Variants in METTL9 observed in about 807,000 individuals in gnomAD.
METTL9 encodes the protein protein-L-histidine N-pros-methyltransferase.
METTL9 carries 10 observed loss-of-function variants against 36.0 expected under a neutral mutation model. The observed-to-expected ratio is 0.28, with a 90% CI of 0.17 to 0.47. The LOEUF (loss-of-function observed/expected upper bound fraction) is 0.47, where lower values mean the gene tolerates loss of function less well. METTL9 is among the 20% of genes least tolerant of loss of function. The pLI, the probability that METTL9 is intolerant of heterozygous loss-of-function variation, is 0.99. For missense variants in METTL9, 246 were observed against 383.5 expected (o/e 0.64, Z 3.00); for synonymous variants, 175 against 149.7 (o/e 1.17, Z -1.23).
In METTL9 at chr16:21,643,655, G is replaced by A. The variant is rs1392101503; in HGVS notation, c.752-11572G>A. 3.6e-5 allele frequency: 41 copies of A among 1,153,498 alleles called. No individual in the cohort carries two copies. The South Asian group carries it at 4.3e-4, about 12-fold the overall frequency. The allele number at this position is 1,153,498 out of a possible 1,614,324, so 71.5% of individuals were successfully genotyped here. ...ATTTTATGTACTCATAACAATGGTG[G>A]CAGATATCTCATGCCCTAATAAGAT... is the stretch of plus-strand genomic sequence containing the variant. On this transcript the variant is annotated intron_variant, in intron 4 of 4. Transcript: ENST00000358154.
In METTL9 at chr16:21,636,859, G is replaced by A. The variant is rs117450694; in HGVS notation, c.751+11744G>A. On this transcript the variant is annotated intron_variant, in intron 4 of 4. Transcript: ENST00000358154. The stretch of plus-strand genomic sequence containing the variant: ...AAGGAAAAATAGGACAGAATAGCAA[G>A]TGAAAAGGGTCCGATGGTACTTACC... Among the ~76,000 whole-genome samples the A allele has an allele frequency of 8.8e-3, 1,342 of 152,274 alleles. 47 individuals are homozygous for A. Among genetic ancestry groups the A allele is most frequent in the East Asian group, 0.082 (426 of 5,176 alleles).
intron 4 of METTL9, chr16:21,644,404 AC>A: frequency 6.3e-7 from 1 of 1,588,300 alleles, no homozygotes; most frequent in Non-Finnish European, 8.6e-7. Context: ...TTTCTTAATG[AC>A]AAAAACAGAA....
Position 21,608,644 on chromosome 16 carries a change from G to A in METTL9, c.166-4001G>A, listed in dbSNP as rs993640894. On this transcript the variant is annotated intron_variant, in intron 1 of 4. Coordinates refer to ENST00000358154, the MANE Select transcript of METTL9 (RefSeq NM_016025.5). Reference sequence around the variant, plus strand: ...GGCAATGCCTGGGACATTTTGGGCTGTCATTTGGGGTAGTGCCACTGTAAC... The same window carrying A: ...GGCAATGCCTGGGACATTTTGGGCTATCATTTGGGGTAGTGCCACTGTAAC... Among the ~76,000 whole-genome samples the A allele has an allele frequency of 1.1e-4, 17 of 152,256 alleles. 1 individual carries two copies. Among genetic ancestry groups the A allele is most frequent in the African/African-American group, 3.9e-4 (16 of 41,534 alleles).
chr16:21,654,339 C>T (rs1217339841), intron 4 of METTL9: 2 of 152,244 alleles, frequency 1.3e-5, no homozygotes, highest in Non-Finnish European at 2.9e-5. Flanking sequence ...GCCACCACGC[C>T]CGGCCTCAAT....
At chr16:21,624,586 G>A in intron 3 of METTL9, among the ~76,000 whole-genome samples, 1 of 152,016 alleles carries the variant, frequency 6.6e-6, no homozygotes, top group Non-Finnish European at 1.5e-5. Flanking sequence ...AATTAGCCGG[G>A]CATGGTGGCA....
chr16:21,646,306 A>G (rs1034350773), intron 4 of METTL9: 15 of 152,156 alleles, frequency 9.9e-5, no homozygotes, highest in African/African-American at 3.4e-4. Flanking sequence ...GAGAGTCATC[A>G]CTTTCCGTTC....
chr16:21,613,168 CTTTTTTTTTT>C (rs57388340), intron 2 of METTL9, among the ~76,000 whole-genome samples: 19 of 91,426 alleles, frequency 2.1e-4, no homozygotes, highest in African/African-American at 7.6e-4. Context: ...TGAGAGTCTG[CTTTTTTTTTT>C]TTTTTTTTTT....
chr16:21,642,990 T>C, intron 4 of METTL9: 1 of 852,262 alleles, frequency 1.2e-6, no homozygotes, highest in South Asian at 1.5e-5. Flanking sequence ...GAAAACATGG[T>C]TCTTGACAGC....
chr16:21,634,096 C>T lies in METTL9; in HGVS notation c.751+8981C>T, dbSNP rs137933329. Among the ~76,000 whole-genome samples, 6 of 152,264 alleles carry T rather than the reference C, an allele frequency of 3.9e-5. No individual in the cohort carries two copies. The East Asian group carries it at 1.2e-3, about 29-fold the overall frequency. Reference sequence around the variant, plus strand: ...GTGAAAAGAGCAAAGTTTCCAATTACAACTGAGGAGGTGGGAGAAATACCT... The same window carrying T: ...GTGAAAAGAGCAAAGTTTCCAATTATAACTGAGGAGGTGGGAGAAATACCT... On this transcript the variant is annotated intron_variant, in intron 4 of 4. Transcript: ENST00000358154.
chr16:21,633,201 G>A (rs1191833405), intron 4 of METTL9, among the ~76,000 whole-genome samples: 2 of 152,088 alleles, frequency 1.3e-5, no homozygotes, highest in Non-Finnish European at 2.9e-5. Flanking sequence ...CCTTGCTGAG[G>A]GCCCTGGTCC....
At position 21,655,533 on chromosome 16, in the gene METTL9, C is replaced by T. The variant is rs755577074; in HGVS notation, c.*101C>T. The T allele has an allele frequency of 5.9e-5, 57 of 965,664 alleles. No homozygotes were observed. The highest frequency in any genetic ancestry group is 1.9e-4 in the Admixed American group (7 of 36,790). The allele number at this position is 965,664 out of a possible 1,614,324, so 59.8% of individuals were successfully genotyped here. A position where few individuals can be genotyped will look rare whatever the true frequency, so the allele number is the denominator to read the frequency against. On this transcript the variant is annotated 3_prime_UTR_variant, in exon 5 of 5. Transcript: ENST00000358154. ...ACGTGAAGGGAGGACCCTTGGGGAC[C>T]GCCATTCTAAATATCATGTAGGAAT...
chr16:21,599,438 A>C, upstream of METTL9: 2 of 1,126,948 alleles, frequency 1.8e-6, no homozygotes, highest in Non-Finnish European at 2.2e-6. The surrounding 1 kb of genome is among the most constrained non-coding windows in gnomAD (Gnocchi z 4.4). Context: ...CGGCCCGCTC[A>C]TTGGACGGAG....
At chr16:21,627,306 A>T in intron 4 of METTL9, 1 of 984,378 alleles carries the variant, frequency 1.0e-6, no homozygotes. Flanking sequence ...GTTTTTTTTT[A>T]ACTAAAAGTA....
rs376895735 is a variant in METTL9, at chr16:21,644,267, C to T, written c.752-10960C>T. On this transcript the variant is annotated intron_variant, in intron 4 of 4. Coordinates refer to ENST00000358154, the MANE Select transcript of METTL9 (RefSeq NM_016025.5). ...TAATATTCAAGGATATAGGGACATT[C>T]CATGCAAGAGGATTTGACTTACTTT... 297 of 1,474,584 alleles carry T rather than the reference C, an allele frequency of 2.0e-4. 1 individual carries two copies. Among genetic ancestry groups the T allele is most frequent in the Non-Finnish European group, 2.6e-4 (275 of 1,052,886 alleles). 91.3% of individuals were successfully genotyped at this position (1,474,584 alleles called of 1,614,324 possible).
At chr16:21,650,517 A>G (rs1966543286) in intron 4 of METTL9, among the ~76,000 whole-genome samples, 1 of 151,720 alleles carries the variant, frequency 6.6e-6, no homozygotes, top group South Asian at 2.1e-4. Flanking sequence ...TCAAAAAAAA[A>G]AAAAAAAAAA....
At chr16:21,645,413 C>T (rs774506264) in intron 4 of METTL9, among the ~76,000 whole-genome samples, 22 of 151,986 alleles carry the variant, frequency 1.4e-4, no homozygotes, top group African/African-American at 5.3e-4. Flanking sequence ...GCTGAGATCA[C>T]GCCACGGCAC....
chr16:21,637,778 G>A lies in METTL9; in HGVS notation c.751+12663G>A, dbSNP rs372738641. 3.9e-3 allele frequency among the ~76,000 whole-genome samples: 587 copies of A among 152,358 alleles called. 9 individuals carry two copies. The highest frequency in any genetic ancestry group is 0.013 in the African/African-American group (551 of 41,584). On this transcript the variant is annotated intron_variant, in intron 4 of 4. Transcript: ENST00000358154. ...TTCCCCGCGAGCAGAGAGCCAGTCCGGCCTCGGCCAGCCACAGAGAGGGGT... is the reference window on the plus strand; with the variant it reads ...TTCCCCGCGAGCAGAGAGCCAGTCCAGCCTCGGCCAGCCACAGAGAGGGGT...
intron 4 of METTL9, 71 bp from the exon 5 acceptor site, chr16:21,655,156 C>T: frequency 7.2e-7 from 1 of 1,398,180 alleles, no homozygotes. Context: ...GTAGATATGG[C>T]TCCTCCCTGC....
upstream of METTL9, chr16:21,599,550 G>T (rs1022031120): frequency 2.3e-6 from 3 of 1,281,156 alleles, no homozygotes; most frequent in South Asian, 7.1e-5. This position sits in a 1 kb window ranked among gnomAD's most constrained non-coding sequence, Gnocchi z 4.4. Flanking sequence ...GGAAGGGGGA[G>T]GTGCCGAGGC....
Sources: gnomAD v4.1 joint callset for allele counts (sites outside exome capture counted in the v4.1 genomes callset) on GRCh38, gnomAD v4.1.1 for gene constraint, Gnocchi (gnomAD v3.1) non-coding constraint, MANE v1.5 for transcripts, NCBI Gene and HGNC (gene_info 2026-07-23, HGNC 2026-07-21) for gene names.